Variants in WWOX observed in about 807,000 individuals in gnomAD.
WWOX encodes WW domain-containing oxidoreductase.
Under a neutral mutation model 46.2 loss-of-function variants are expected in WWOX, and 69 were observed. The observed-to-expected ratio is 1.49, with a 90% CI of 1.23 to 1.82. The LOEUF is 1.82. Ranked by LOEUF, WWOX falls within the 40% of genes most tolerant of loss-of-function variation. The pLI is 0.00. For missense variants in WWOX, 919 were observed against 542.6 expected (o/e 1.69, Z -6.89); for synonymous variants, 359 against 202.6 (o/e 1.77, Z -6.56).
chr16:78,295,686 G>C (rs2079934172), intron 5 of WWOX, among the ~76,000 whole-genome samples: 1 of 151,918 alleles, frequency 6.6e-6, no homozygotes, highest in Non-Finnish European at 1.5e-5. Context: ...ACTCCGGCCT[G>C]GGTGGCTGAG....
chr16:78,875,028 C>T (rs1253145268), intron 8 of WWOX, among the ~76,000 whole-genome samples: 2 of 152,148 alleles, frequency 1.3e-5, no homozygotes, highest in Non-Finnish European at 2.9e-5. Flanking sequence ...ATATCCTATG[C>T]TTCTGAGAAA....
At chr16:78,779,901 T>C (rs1360006149) in intron 8 of WWOX, among the ~76,000 whole-genome samples, 1 of 152,170 alleles carries the variant, frequency 6.6e-6, no homozygotes, top group Admixed American at 6.5e-5. Context: ...CTTCCTGCTA[T>C]AGATTAAAAC....
chr16:78,788,930 G>A (rs558923644), intron 8 of WWOX, among the ~76,000 whole-genome samples: 1 of 152,300 alleles, frequency 6.6e-6, no homozygotes, highest in African/African-American at 2.4e-5. Flanking sequence ...GGGGAAAGTT[G>A]AGTTGTAAAA....
chr16:78,992,144 G>A (rs1056158941), intron 8 of WWOX, among the ~76,000 whole-genome samples: 4 of 152,156 alleles, frequency 2.6e-5, no homozygotes, highest in African/African-American at 9.7e-5. Context: ...TCCTGTCCTT[G>A]AGGCATTCAC....
intron 8 of WWOX, among the ~76,000 whole-genome samples, chr16:78,546,841 C>T (rs1427238611): frequency 6.6e-6 from 1 of 152,118 alleles, no homozygotes; most frequent in Non-Finnish European, 1.5e-5. Context: ...AACTACCAGA[C>T]CTGGGCCAGG....
At chr16:78,239,874 C>T (rs1018262822) in intron 5 of WWOX, among the ~76,000 whole-genome samples, 5 of 152,058 alleles carry the variant, frequency 3.3e-5, no homozygotes, top group African/African-American at 1.2e-4. Context: ...CTTTTTTCCT[C>T]AAGACTCACA....
At chr16:78,925,043 AAGTT>A (rs759988442) in intron 8 of WWOX, among the ~76,000 whole-genome samples, 5 of 152,054 alleles carry the variant, frequency 3.3e-5, no homozygotes, top group Non-Finnish European at 5.9e-5. Context: ...AAAAATAAAA[AAGTT>A]AGCCAGGCAT....
intron 8 of WWOX, among the ~76,000 whole-genome samples, chr16:78,759,801 G>T (rs1389339828): frequency 6.6e-6 from 1 of 152,208 alleles, no homozygotes; most frequent in South Asian, 2.1e-4. Flanking sequence ...TCGCTCCAGA[G>T]TGAGTTTTAT....
At chr16:78,693,800 G>A (rs2048041388) in intron 8 of WWOX, among the ~76,000 whole-genome samples, 1 of 152,148 alleles carries the variant, frequency 6.6e-6, no homozygotes, top group East Asian at 1.9e-4. Flanking sequence ...TCTAGGGGAA[G>A]ATGTGATTTC....
intron 8 of WWOX, among the ~76,000 whole-genome samples, chr16:79,054,655 C>T (rs2048229968): frequency 1.3e-5 from 2 of 151,976 alleles, no homozygotes; most frequent in Admixed American, 1.3e-4. Flanking sequence ...GACCTTGTCT[C>T]TATGAAAAAA....
intron 8 of WWOX, among the ~76,000 whole-genome samples, chr16:78,710,504 A>ATATATG (rs2048421440): frequency 7.2e-6 from 1 of 138,554 alleles, no homozygotes; most frequent in African/African-American, 2.7e-5. Context: ...ATATATTTAT[A>ATATATG]TAAATATATT....
intron 8 of WWOX, among the ~76,000 whole-genome samples, chr16:79,092,342 A>G (rs534358064): frequency 6.6e-5 from 10 of 152,276 alleles, no homozygotes; most frequent in Admixed American, 5.9e-4. Context: ...TGGCTTGAAA[A>G]CAGGGCAGTA....
At chr16:78,490,279 G>T (rs932485954) in intron 8 of WWOX, among the ~76,000 whole-genome samples, 7 of 121,472 alleles carry the variant, frequency 5.8e-5, no homozygotes, top group African/African-American at 2.7e-4. Context: ...TTTTGGAAGT[G>T]CACAGTATTG....
chr16:79,139,703 T>C (rs1394477737), intron 8 of WWOX, among the ~76,000 whole-genome samples: 1 of 152,182 alleles, frequency 6.6e-6, no homozygotes, highest in East Asian at 1.9e-4. Context: ...TTAGGGTGTT[T>C]GCTTATGAAA....
chr16:78,676,479 C>T (rs976243121), intron 8 of WWOX, among the ~76,000 whole-genome samples: 1 of 151,924 alleles, frequency 6.6e-6, no homozygotes, highest in Non-Finnish European at 1.5e-5. Context: ...TCCCCACCCC[C>T]ACCTTTGGTG....
chr16:78,719,647 T>C (rs995825929), intron 8 of WWOX, among the ~76,000 whole-genome samples: 1 of 152,108 alleles, frequency 6.6e-6, no homozygotes, highest in Non-Finnish European at 1.5e-5. Context: ...GTTAGATTGC[T>C]CTGTCTTACA....
In WWOX at chr16:78,542,785, C is replaced by G. The variant is rs1050083191; in HGVS notation, c.1056+110033C>G. Among the ~76,000 whole-genome samples the G allele has an allele frequency of 4.2e-4, 64 of 152,162 alleles. 1 individual carries two copies. The highest frequency in any genetic ancestry group is 1.4e-3 in the African/African-American group (59 of 41,438). ...CTGTGAGAAGTGAAGGTAATAAGCT[C>G]CAAGTGCTTTCGTTTCCTTTCTTTC... On this transcript the variant is annotated intron_variant, in intron 8 of 8. Coordinates refer to ENST00000566780, the MANE Select transcript of WWOX (RefSeq NM_016373.4).
At chr16:78,250,765 T>C (rs1383870361) in intron 5 of WWOX, among the ~76,000 whole-genome samples, 1 of 152,086 alleles carries the variant, frequency 6.6e-6, no homozygotes, top group Non-Finnish European at 1.5e-5. Context: ...TCCACCTCCC[T>C]ACAGTCCAGT....
At chr16:78,922,973 C>G (rs1567651625) in intron 8 of WWOX, among the ~76,000 whole-genome samples, 5 of 60,454 alleles carry the variant, frequency 8.3e-5, no homozygotes, top group Non-Finnish European at 7.0e-5. Flanking sequence ...AGGCATAATT[C>G]TTTCTCTTTT....
Sources: allele counts gnomAD v4.1 joint callset (sites outside exome capture counted in the v4.1 genomes callset), GRCh38; gene constraint gnomAD v4.1.1; transcripts MANE v1.5; gene names NCBI Gene and HGNC (gene_info 2026-07-23, HGNC 2026-07-21).